Variants in TMCC2 observed in about 807,000 individuals in gnomAD.
TMCC2 encodes the protein transmembrane and coiled-coil domain family 2, also known as transmembrane and coiled-coil domains protein 2.
In TMCC2, 16 loss-of-function variants were observed where a neutral mutation model predicts 49.4. That is an observed-to-expected ratio of 0.32 (90% confidence interval 0.22 to 0.49). TMCC2 has a LOEUF of 0.49. Ranked by LOEUF, TMCC2 falls within the 20% of genes least tolerant of loss-of-function variation. TMCC2 has a pLI of 0.99. For synonymous variants in TMCC2, 397 were observed against 434.1 expected, an observed-to-expected ratio of 0.91 and a Z score of 1.06; for missense variants, 762 against 989.8, an observed-to-expected ratio of 0.77 and a Z score of 3.09.
intron 1 of TMCC2, among the ~76,000 whole-genome samples, chr1:205,236,011 G>T (rs1392534452): frequency 6.7e-6 from 1 of 149,028 alleles, no homozygotes; most frequent in Non-Finnish European, 1.5e-5. Context: ...AAAGGTTGCA[G>T]TGAACGGAGA....
intron 2 of TMCC2, among the ~76,000 whole-genome samples, chr1:205,268,416 C>A (rs56848028): frequency 0.071 from 10,746 of 152,204 alleles, 479 homozygotes; most frequent in Middle Eastern, 0.14. Context: ...GAGTTCGAGA[C>A]CAGCCTGGCC....
At chr1:205,228,993 G>A in intron 1 of TMCC2, 1 of 1,365,020 alleles carries the variant, frequency 7.3e-7, no homozygotes, top group Non-Finnish European at 9.5e-7. Context: ...CCATTATTCA[G>A]CAAGCGTTTT....
rs1661629634 is a variant in TMCC2, at chr1:205,272,196, CTTCT to C, written c.*75_*78del. ...CACTTCTCCAGGAGGGACCCTTGGA[CTTCT>C]TTGTGTGTCCAGTTTGGCCTCCTGC... On this transcript the variant is annotated 3_prime_UTR_variant, in exon 5 of 5. Coordinates refer to ENST00000358024, the MANE Select transcript of TMCC2 (RefSeq NM_014858.4). 1.3e-6 allele frequency: 2 copies of C among 1,553,242 alleles called. No individual in the cohort carries two copies. Among genetic ancestry groups the C allele is most frequent in the South Asian group, 1.2e-5 (1 of 82,628 alleles).
intron 1 of TMCC2, among the ~76,000 whole-genome samples, chr1:205,231,235 C>T (rs1028022218): frequency 6.6e-6 from 1 of 152,058 alleles, no homozygotes; most frequent in Middle Eastern, 3.2e-3. Flanking sequence ...GGGCAAATCA[C>T]TCAACTTTTC....
chr1:205,256,717 G>A (rs1276536818), intron 2 of TMCC2, among the ~76,000 whole-genome samples: 5 of 152,346 alleles, frequency 3.3e-5, no homozygotes, highest in South Asian at 2.1e-4. Flanking sequence ...GGATCTGCCA[G>A]GGAGCCCCCC....
rs145697603 is a variant in TMCC2, at chr1:205,269,210, C to T, written c.1008C>T (p.Phe336=). ...KQQVSRIKQV[F]EKKNQKSAQT... is the part of the protein sequence containing the mutation. ...AGGTGTCACGCATCAAGCAAGTGTT[C>T]GAGAAGAAGAACCAGAAGTCAGCCC... The change falls in exon 3 of 5, where the codon TTC becomes TTT. Residue 336 remains phenylalanine, a synonymous_variant. Coordinates refer to ENST00000358024, the MANE Select transcript of TMCC2 (RefSeq NM_014858.4). 5.8e-5 allele frequency: 94 copies of T among 1,614,070 alleles called. No individual in the cohort carries two copies. In the African/African-American group the frequency reaches 8.3e-4, roughly 14 times the overall value.
intron 1 of TMCC2, chr1:205,230,048 A>T: frequency 1.0e-6 from 1 of 985,286 alleles, no homozygotes; most frequent in Non-Finnish European, 1.2e-6. Context: ...AACGGAAAGG[A>T]CTCTGTTGCA....
rs1660687299 is a variant in TMCC2 at position 205,251,964 on chromosome 1, G to A, written c.747+9920G>A. Among the ~76,000 whole-genome samples, 9 of 152,232 alleles carry A rather than the reference G, an allele frequency of 5.9e-5. No individual in the cohort carries two copies. The South Asian group carries it at 1.9e-3, about 32-fold the overall frequency. Reference sequence around the variant, plus strand: ...TATTCCAAATTATTCCTGGCAAATAGGGTGGGGTAGAGGGTGCTCTGCTTC... The same window carrying A: ...TATTCCAAATTATTCCTGGCAAATAAGGTGGGGTAGAGGGTGCTCTGCTTC... On this transcript the variant is annotated intron_variant, in intron 2 of 4. Coordinates refer to ENST00000358024, the MANE Select transcript of TMCC2 (RefSeq NM_014858.4).
At chr1:205,229,545 C>CGGGGGGGGGGGGGGGGGGGGGGGGG (rs1241476015) in intron 1 of TMCC2, 1 of 283,978 alleles carries the variant, frequency 3.5e-6, no homozygotes, top group Non-Finnish European at 3.9e-6. Context: ...TGTGAAGGGG[C>CGGGGGGGGGGGGGGGGGGGGGGGGG]GGGGGGGGGG....
intron 1 of TMCC2, among the ~76,000 whole-genome samples, chr1:205,240,887 AG>A (rs1410561819): frequency 4.6e-5 from 7 of 152,234 alleles, no homozygotes; most frequent in African/African-American, 1.7e-4. Flanking sequence ...CCTAGCTGCA[AG>A]GGGAGTCTGA....
intron 2 of TMCC2, among the ~76,000 whole-genome samples, chr1:205,243,440 C>T (rs1422668940): frequency 1.3e-5 from 2 of 151,822 alleles, no homozygotes; most frequent in Non-Finnish European, 2.9e-5. Flanking sequence ...GAGTGCAGGA[C>T]GGGAGTCAAG....
chr1:205,260,708 C>A (rs1413124092), intron 2 of TMCC2, among the ~76,000 whole-genome samples: 1 of 144,792 alleles, frequency 6.9e-6, no homozygotes, highest in African/African-American at 2.6e-5. Flanking sequence ...AGCCCCCTGG[C>A]AGCCACTAAT....
At chr1:205,266,905 A>G (rs1459629462) in intron 2 of TMCC2, among the ~76,000 whole-genome samples, 1 of 152,228 alleles carries the variant, frequency 6.6e-6, no homozygotes, top group Non-Finnish European at 1.5e-5. Context: ...AAATGGAGAG[A>G]TGGGCTTTTT....
intron 4 of TMCC2, 111 bp from the exon 5 acceptor site, chr1:205,271,701 CT>C: frequency 7.1e-7 from 1 of 1,402,392 alleles, no homozygotes; most frequent in Non-Finnish European, 9.5e-7. Flanking sequence ...TCCTCCTGGC[CT>C]TTGGAGAGGA....
At chr1:205,245,189 C>G (rs993809573) in intron 2 of TMCC2, among the ~76,000 whole-genome samples, 2 of 152,056 alleles carry the variant, frequency 1.3e-5, no homozygotes, top group African/African-American at 4.8e-5. Flanking sequence ...CAGTAGAATG[C>G]TGGTCCCGTC....
Position 205,259,164 on chromosome 1 carries a change from C to T in TMCC2, c.748-9786C>T, listed in dbSNP as rs148549374. ...GCTGCCCTGCTTTCCTAAAGGGAAG[C>T]ATAGGAACCCCCAAAGCTTTTTCTT... On this transcript the variant is annotated intron_variant, in intron 2 of 4. Coordinates refer to ENST00000358024, the MANE Select transcript of TMCC2 (RefSeq NM_014858.4). Among the ~76,000 whole-genome samples the T allele has an allele frequency of 4.8e-4, 72 of 151,558 alleles. No individual in the cohort carries two copies. In the East Asian group the frequency reaches 0.013, roughly 28 times the overall value.
chr1:205,250,536 C>T (rs994735136), intron 2 of TMCC2, among the ~76,000 whole-genome samples: 1 of 151,992 alleles, frequency 6.6e-6, no homozygotes, highest in African/African-American at 2.4e-5. Context: ...AGGGAAACTC[C>T]GTCTCAGAAA....
intron 2 of TMCC2, among the ~76,000 whole-genome samples, chr1:205,244,844 T>G (rs1660398316): frequency 6.7e-6 from 1 of 148,938 alleles, no homozygotes. Context: ...GAGATGGGGG[T>G]ACTGAGGGAA....
chr1:205,246,564 T>G (rs1314470819), intron 2 of TMCC2: 5 of 1,547,338 alleles, frequency 3.2e-6, no homozygotes, highest in Non-Finnish European at 4.4e-6. Context: ...TCTGCACGCG[T>G]TGGCTAAAAG....
Sources: gnomAD v4.1 joint callset for allele counts (sites outside exome capture counted in the v4.1 genomes callset) on GRCh38, gnomAD v4.1.1 for gene constraint, MANE v1.5 for transcripts, NCBI Gene and HGNC (gene_info 2026-07-23, HGNC 2026-07-21) for gene names.